The following ASIC2 variants were observed in gnomAD, a reference collection of about 807,000 sequenced individuals.
The protein encoded by ASIC2 is acid sensing ion channel subunit 2.
Under a neutral mutation model 57.3 loss-of-function variants are expected in ASIC2, and 25 were observed. The ratio of observed to expected loss-of-function variants is 0.44; its 90% CI spans 0.32 to 0.61. The LOEUF is 0.61. Ranked by LOEUF, ASIC2 falls within the 20% of genes least tolerant of loss-of-function variation. The probability of loss-of-function intolerance (pLI) is 0.06; values close to 1 mark genes in which losing one functional copy is unlikely to be tolerated. For synonymous variants in ASIC2, 319 were observed against 307.5 expected (o/e 1.04, Z -0.39); for missense variants, 641 against 738.1 (o/e 0.87, Z 1.52).
intron 1 of ASIC2, among the ~76,000 whole-genome samples, chr17:33,523,965 C>T (rs139730938): frequency 6.0e-4 from 92 of 152,338 alleles, no homozygotes; most frequent in African/African-American, 2.1e-3. Context: ...ATCAACTCTT[C>T]GGATGACCCC....
At chr17:33,254,606 C>A (rs1908994483) in intron 1 of ASIC2, among the ~76,000 whole-genome samples, 1 of 152,094 alleles carries the variant, frequency 6.6e-6, no homozygotes, top group Non-Finnish European at 1.5e-5. Flanking sequence ...TCTAGTTGAC[C>A]TCTATTCATC....
intron 1 of ASIC2, among the ~76,000 whole-genome samples, chr17:34,080,014 T>C (rs1909819387): frequency 6.6e-6 from 1 of 152,146 alleles, no homozygotes; most frequent in South Asian, 2.1e-4. Context: ...AAATGCAGTA[T>C]CATGAACTCC....
At position 33,020,337 on chromosome 17, in the gene ASIC2, G is replaced by A. The variant is rs138422050; in HGVS notation, c.1441+882C>T. ...AGATGAAGAACCTGAGGTTCAGCAA[G>A]GTAAAGCTACTTGCCCATATTCTCA... is the stretch of plus-strand genomic sequence containing the variant. On this transcript the variant is annotated intron_variant, in intron 7 of 9. Transcript: ENST00000225823. 7.9e-3 allele frequency among the ~76,000 whole-genome samples: 1,205 copies of A among 152,266 alleles called. 22 individuals carry two copies. Among genetic ancestry groups the A allele is most frequent in the African/African-American group, 0.027 (1,110 of 41,532 alleles).
intron 1 of ASIC2, among the ~76,000 whole-genome samples, chr17:33,877,483 G>T (rs1002748717): frequency 6.6e-6 from 1 of 152,202 alleles, no homozygotes; most frequent in African/African-American, 2.4e-5. Context: ...CCCATTCCTG[G>T]CTCGGAGGGT....
chr17:33,931,889 A>C (rs1005563316), intron 1 of ASIC2, among the ~76,000 whole-genome samples: 1 of 152,234 alleles, frequency 6.6e-6, no homozygotes, highest in Non-Finnish European at 1.5e-5. Context: ...ATTTCCTTTA[A>C]GAAAGTAATG....
chr17:33,581,569 A>G (rs569287897), intron 1 of ASIC2: 30 of 152,164 alleles, frequency 2.0e-4, no homozygotes, highest in Admixed American at 1.4e-3. Flanking sequence ...GCAGGAATGT[A>G]TTAAAGTGAA....
chr17:33,017,084 G>T (rs530612788), intron 8 of ASIC2, among the ~76,000 whole-genome samples: 1 of 152,206 alleles, frequency 6.6e-6, no homozygotes, highest in Non-Finnish European at 1.5e-5. Flanking sequence ...GGCGGCTGGC[G>T]TGCCCTGCTG....
chr17:33,643,155 C>A (rs200320128), intron 1 of ASIC2, among the ~76,000 whole-genome samples: 59 of 150,966 alleles, frequency 3.9e-4, no homozygotes, highest in Admixed American at 7.9e-4. Flanking sequence ...TTTCCCCCCC[C>A]CCACATTTGA....
rs1285723792 is a variant in ASIC2 at position 33,615,207 on chromosome 17, A to G, written c.556-503140T>C. On this transcript the variant is annotated intron_variant, in intron 1 of 9. Coordinates refer to the ASIC2 transcript ENST00000359872. The stretch of plus-strand genomic sequence containing the variant: ...GAATGGCCATTTCTATGGAAAGAGA[A>G]TCTGAGAATATGGCTAATTTCAAAG... Among the ~76,000 whole-genome samples, 4 of 152,342 alleles carry G rather than the reference A, an allele frequency of 2.6e-5. No individual in the cohort carries two copies. The East Asian group carries it at 7.7e-4, about 29-fold the overall frequency.
intron 1 of ASIC2, among the ~76,000 whole-genome samples, chr17:33,518,104 G>A (rs1914629489): frequency 6.6e-6 from 1 of 152,176 alleles, no homozygotes; most frequent in Non-Finnish European, 1.5e-5. Flanking sequence ...CAAGAGATGA[G>A]TGTCATCCTG....
At chr17:33,314,147 A>C (rs763856202) in intron 1 of ASIC2, among the ~76,000 whole-genome samples, 1 of 152,064 alleles carries the variant, frequency 6.6e-6, no homozygotes, top group Non-Finnish European at 1.5e-5. Flanking sequence ...ATCTGTCAGG[A>C]CCTTGGGCCA....
At chr17:34,095,132 T>C (rs781148586) in intron 1 of ASIC2, among the ~76,000 whole-genome samples, 3 of 152,216 alleles carry the variant, frequency 2.0e-5, no homozygotes, top group African/African-American at 4.8e-5. Flanking sequence ...TCTAGTCCTA[T>C]TGTTCTCTGG....
intron 1 of ASIC2, among the ~76,000 whole-genome samples, chr17:33,990,962 T>G (rs1011120005): frequency 1.3e-5 from 2 of 152,174 alleles, no homozygotes; most frequent in Admixed American, 1.3e-4. Flanking sequence ...CTCCAAATGT[T>G]TAGGTTATTG....
At chr17:33,575,963 G>A (rs547693126) in intron 1 of ASIC2, among the ~76,000 whole-genome samples, 2 of 152,268 alleles carry the variant, frequency 1.3e-5, no homozygotes, top group African/African-American at 4.8e-5. Flanking sequence ...AATAAAAGCC[G>A]ATTTGGAAAC....
intron 1 of ASIC2, among the ~76,000 whole-genome samples, chr17:33,163,461 T>C (rs1905219417): frequency 1.3e-5 from 2 of 151,632 alleles, no homozygotes; most frequent in Admixed American, 1.3e-4. Context: ...GGCTGACCCC[T>C]TACCCAATGT....
intron 1 of ASIC2, among the ~76,000 whole-genome samples, chr17:33,720,339 C>T (rs926209934): frequency 5.9e-5 from 9 of 152,188 alleles, no homozygotes; most frequent in African/African-American, 2.2e-4. Flanking sequence ...TACAAAGCAA[C>T]AATCAATTTC....
At chr17:34,009,784 G>C (rs1025071862) in intron 1 of ASIC2, among the ~76,000 whole-genome samples, 1 of 152,196 alleles carries the variant, frequency 6.6e-6, no homozygotes, top group African/African-American at 2.4e-5. Flanking sequence ...CCTGAATTTG[G>C]GGATTGGAAT....
intron 1 of ASIC2, among the ~76,000 whole-genome samples, chr17:34,060,253 T>A (rs1908923205): frequency 6.6e-6 from 1 of 152,138 alleles, no homozygotes; most frequent in African/African-American, 2.4e-5. Context: ...CAACCATCAC[T>A]TCAGTTCTGC....
intron 1 of ASIC2, among the ~76,000 whole-genome samples, chr17:34,106,134 T>C (rs1911042887): frequency 6.6e-6 from 1 of 152,224 alleles, no homozygotes; most frequent in Non-Finnish European, 1.5e-5. Flanking sequence ...TAGAAAGTTA[T>C]TCATTTTGGG....
Sources: allele counts gnomAD v4.1 joint callset (sites outside exome capture counted in the v4.1 genomes callset), GRCh38; gene constraint gnomAD v4.1.1; transcripts MANE v1.5; gene names NCBI Gene and HGNC (gene_info 2026-07-23, HGNC 2026-07-21).